The following CHST9 variants were observed in gnomAD, a reference collection of about 807,000 sequenced individuals.
CHST9 encodes the protein carbohydrate sulfotransferase 9.
In CHST9, 41 loss-of-function variants were observed where a neutral mutation model predicts 44.4. That is an observed-to-expected ratio of 0.92 (90% confidence interval 0.72 to 1.20). CHST9 has a LOEUF of 1.20. Ranked by LOEUF, CHST9 falls within the 50% of genes most tolerant of loss-of-function variation. The probability of loss-of-function intolerance (pLI) is 0.00; values close to 1 mark genes in which losing one functional copy is unlikely to be tolerated. For missense variants in CHST9, 504 were observed against 516.5 expected, an observed-to-expected ratio of 0.98 and a Z score of 0.23; for synonymous variants, 171 against 178.4, an observed-to-expected ratio of 0.96 and a Z score of 0.33.
chr18:27,055,559 T>C (rs1181153195), intron 2 of CHST9, among the ~76,000 whole-genome samples: 4 of 152,194 alleles, frequency 2.6e-5, no homozygotes, highest in Non-Finnish European at 4.4e-5. Flanking sequence ...ACTATTGCCA[T>C]GTTTAGCTAT....
At chr18:27,153,927 C>A (rs2058679105) in intron 1 of CHST9, among the ~76,000 whole-genome samples, 1 of 152,110 alleles carries the variant, frequency 6.6e-6, no homozygotes, top group Non-Finnish European at 1.5e-5. Context: ...GTAGTTCCTG[C>A]TGTTGCTGGC....
At chr18:27,163,869 G>T (rs1239366329) in intron 1 of CHST9, among the ~76,000 whole-genome samples, 2 of 152,194 alleles carry the variant, frequency 1.3e-5, no homozygotes, top group Admixed American at 6.5e-5. Context: ...CTGTACCTCA[G>T]TTGGAAATGC....
In CHST9 at chr18:27,110,201, T is replaced by C. The variant is rs2058259022; in HGVS notation, c.121+32488A>G. 1.3e-5 allele frequency among the ~76,000 whole-genome samples: 2 copies of C among 152,042 alleles called. 1 individual carries two copies. The highest frequency in any genetic ancestry group is 4.2e-4 in the South Asian group (2 of 4,818). ...AAAAAGGTTTGTTTTGCCAATTTGC[T>C]ACTTCTTTAGCCTGGTTGTTTTCTT... On this transcript the variant is annotated intron_variant, in intron 2 of 5. Transcript: ENST00000618847.
At chr18:27,120,027 G>A (rs2058361333) in intron 2 of CHST9, among the ~76,000 whole-genome samples, 2 of 152,134 alleles carry the variant, frequency 1.3e-5, no homozygotes, top group South Asian at 2.1e-4. Context: ...AATATCCAGG[G>A]AACCTAATGG....
At chr18:26,930,189 C>G (rs1365352497) in intron 5 of CHST9, among the ~76,000 whole-genome samples, 1 of 152,220 alleles carries the variant, frequency 6.6e-6, no homozygotes, top group Non-Finnish European at 1.5e-5. Flanking sequence ...AGCTCACACT[C>G]TGGTGCTACC....
chr18:27,146,525 C>A (rs930819343), intron 1 of CHST9, among the ~76,000 whole-genome samples: 1 of 152,110 alleles, frequency 6.6e-6, no homozygotes, highest in Non-Finnish European at 1.5e-5. Context: ...TCCAAGCCTG[C>A]GGAAAAAGTG....
At chr18:27,104,066 T>C (rs183942734) in intron 2 of CHST9, among the ~76,000 whole-genome samples, 2 of 152,318 alleles carry the variant, frequency 1.3e-5, no homozygotes, top group African/African-American at 4.8e-5. Context: ...TATCATACTT[T>C]TAAAAAAGCC....
chr18:27,011,765 G>A (rs2057088044), intron 4 of CHST9, among the ~76,000 whole-genome samples: 1 of 152,144 alleles, frequency 6.6e-6, no homozygotes, highest in African/African-American at 2.4e-5. Flanking sequence ...GAGTGAGCTG[G>A]GCTTCTCTCT....
Position 27,149,249 on chromosome 18 carries a change from C to T in CHST9, c.-96-6344G>A, listed in dbSNP as rs947898339. ...GGTAGTTTCTTTTGCTGTGCAGAAG[C>T]TCTTTAGTTTAATTAGATCCCATTT... On this transcript the variant is annotated intron_variant, in intron 1 of 5. Coordinates refer to ENST00000618847, the MANE Select transcript of CHST9 (RefSeq NM_031422.6). Among the ~76,000 whole-genome samples, 5 of 150,298 alleles carry T rather than the reference C, an allele frequency of 3.3e-5. No individual in the cohort carries two copies. The East Asian group carries it at 7.9e-4, about 24-fold the overall frequency.
chr18:27,073,460 TAGACTG>T (rs1056278690), intron 2 of CHST9, among the ~76,000 whole-genome samples: 2 of 151,772 alleles, frequency 1.3e-5, no homozygotes, highest in Non-Finnish European at 2.9e-5. Context: ...GTGAAACCCT[TAGACTG>T]AGTAGCCCAG....
At chr18:26,956,326 A>AAAT (rs1404547736) in intron 4 of CHST9, among the ~76,000 whole-genome samples, 9 of 125,696 alleles carry the variant, frequency 7.2e-5, no homozygotes, top group South Asian at 2.4e-4. Context: ...AAAAAAAAAA[A>AAAT]ATATATATAT....
chr18:27,133,180 C>T (rs2058486268), intron 2 of CHST9, among the ~76,000 whole-genome samples: 1 of 152,158 alleles, frequency 6.6e-6, no homozygotes, highest in African/African-American at 2.4e-5. Flanking sequence ...TGTAATATGG[C>T]AGTTCCTGGT....
intron 3 of CHST9, among the ~76,000 whole-genome samples, chr18:27,037,541 A>G (rs1288239291): frequency 6.6e-6 from 1 of 152,114 alleles, no homozygotes; most frequent in Non-Finnish European, 1.5e-5. Context: ...AATAAAAAAA[A>G]TTTAGCTGGA....
intron 5 of CHST9, among the ~76,000 whole-genome samples, chr18:26,928,090 G>A (rs1225580191): frequency 6.6e-5 from 10 of 152,104 alleles, no homozygotes; most frequent in East Asian, 1.9e-4. Flanking sequence ...CACTTGTTTC[G>A]GGGAGCACAG....
rs76906122 is a variant in CHST9 at position 26,910,364 on chromosome 18, G to T, written c.*5895C>A. On this transcript the variant is annotated 3_prime_UTR_variant, in exon 6 of 6. Transcript: ENST00000618847. ...CAACACAAATAGGGTCAAGGATAAT[G>T]TTCAGGAGTTGATTTCCTTTGGAAG... 5.3e-5 allele frequency: 8 copies of T among 152,374 alleles called. No homozygotes were observed. Among genetic ancestry groups the T allele is most frequent in the African/African-American group, 1.9e-4 (8 of 41,586 alleles). 9.4% of individuals were successfully genotyped at this position (152,374 alleles called of 1,614,324 possible).
At chr18:27,100,364 A>G (rs2058159245) in intron 2 of CHST9, among the ~76,000 whole-genome samples, 1 of 152,192 alleles carries the variant, frequency 6.6e-6, no homozygotes, top group Admixed American at 6.5e-5. Context: ...GCATCATGCA[A>G]TATACTCAGG....
intron 4 of CHST9, among the ~76,000 whole-genome samples, chr18:26,998,175 G>T (rs1205100363): frequency 6.6e-6 from 1 of 152,128 alleles, no homozygotes; most frequent in Admixed American, 6.5e-5. Flanking sequence ...GTCTGACTTA[G>T]CTCTCTCCGT....
At chr18:26,929,027 G>A (rs1173331684) in intron 5 of CHST9, among the ~76,000 whole-genome samples, 3 of 152,162 alleles carry the variant, frequency 2.0e-5, no homozygotes, top group African/African-American at 7.2e-5. Context: ...GGCATTGGCT[G>A]GGATCCAGGA....
chr18:27,081,648 A>T (rs1290901182), intron 2 of CHST9, among the ~76,000 whole-genome samples: 1 of 152,214 alleles, frequency 6.6e-6, no homozygotes, highest in Non-Finnish European at 1.5e-5. Context: ...TTATTAATCA[A>T]TGGAGTAATA....
Sources: allele counts gnomAD v4.1 joint callset (sites outside exome capture counted in the v4.1 genomes callset), GRCh38; gene constraint gnomAD v4.1.1; transcripts MANE v1.5; gene names NCBI Gene and HGNC (gene_info 2026-07-23, HGNC 2026-07-21).